The following RCN3 variants were observed in gnomAD, a reference collection of about 807,000 sequenced individuals.
RCN3 encodes reticulocalbin 3.
RCN3 carries 41 observed loss-of-function variants against 35.9 expected under a neutral mutation model. That is an observed-to-expected ratio of 1.14 (90% confidence interval 0.89 to 1.48). The LOEUF (loss-of-function observed/expected upper bound fraction) is 1.48. Ranked by LOEUF, RCN3 falls within the 40% of genes most tolerant of loss-of-function variation. The probability of loss-of-function intolerance (pLI) is 0.00; values close to 1 mark genes in which losing one functional copy is unlikely to be tolerated. For synonymous variants in RCN3, 187 were observed against 193.4 expected (o/e 0.97, Z 0.27); for missense variants, 451 against 471.3 (o/e 0.96, Z 0.40).
chr19:49,529,526 C>T (rs969895806), intron 2 of RCN3, among the ~76,000 whole-genome samples: 2 of 152,214 alleles, frequency 1.3e-5, no homozygotes, highest in South Asian at 4.1e-4. Context: ...AAAGGTTTAT[C>T]GAGCACCTGC....
chr19:49,536,881 C>A, intron 3 of RCN3, 152 bp from the exon 4 acceptor site: 1 of 615,074 alleles, frequency 1.6e-6, no homozygotes, highest in Non-Finnish European at 2.5e-6. Context: ...GCTGCTATTA[C>A]AGGCGTGAGC....
intron 3 of RCN3, 138 bp downstream of exon 3, chr19:49,534,533 T>G: frequency 5.2e-6 from 4 of 765,566 alleles, no homozygotes; most frequent in South Asian, 1.9e-5. Flanking sequence ...TAGGAGCCCA[T>G]AACTGTGAGA....
intron 2 of RCN3, among the ~76,000 whole-genome samples, chr19:49,529,436 C>T (rs1195654133): frequency 3.9e-5 from 6 of 152,262 alleles, no homozygotes; most frequent in East Asian, 1.9e-4. Context: ...CCACCCTCTC[C>T]GTCCAGGCCT....
intron 6 of RCN3, 132 bp from the exon 7 acceptor site, chr19:49,542,974 A>G: frequency 2.3e-6 from 2 of 858,246 alleles, no homozygotes; most frequent in South Asian, 1.6e-5. Flanking sequence ...CAAGACGGGG[A>G]CAGATTCAGA....
At position 49,528,637 on chromosome 19, in the gene RCN3, C is replaced by A. The variant is rs199527609; in HGVS notation, c.165C>A (p.Asp55Glu). 6.8e-5 allele frequency: 109 copies of A among 1,612,132 alleles called. No individual in the cohort carries two copies. Among genetic ancestry groups the A allele is most frequent in the Middle Eastern group, 3.3e-4 (2 of 6,078 alleles). The change falls in exon 2 of 7, where the codon GAC (aspartate) becomes GAA (glutamate). Residue 55 changes from aspartate (D) to glutamate (E), a missense_variant. Physicochemically the swap from Asp to Glu is conservative, Grantham distance 45. Coordinates refer to ENST00000270645, the MANE Select transcript of RCN3 (RefSeq NM_020650.3). The stretch of plus-strand genomic sequence containing the variant: ...ACGCCCACGGGAACTTCCAGTACGA[C>A]CATGAGGCTTTCCTGGGACGGGAAG... The part of the protein sequence containing the change: ...HDDAHGNFQY[D>E]HEAFLGREVA...
At chr19:49,540,451 G>A (rs1026002789) in intron 5 of RCN3, among the ~76,000 whole-genome samples, 5 of 151,994 alleles carry the variant, frequency 3.3e-5, no homozygotes, top group African/African-American at 9.7e-5. Flanking sequence ...GGCCAAGATG[G>A]TGTACTAAAA....
intron 1 of RCN3, 68 bp from the exon 2 acceptor site, chr19:49,528,399 C>A: frequency 7.2e-7 from 1 of 1,386,646 alleles, no homozygotes; most frequent in Non-Finnish European, 9.5e-7. Flanking sequence ...CTCCACCCCG[C>A]CATTCTCCTA....
chr19:49,528,382 G>A, intron 1 of RCN3, 85 bp from the exon 2 acceptor site: 1 of 1,318,974 alleles, frequency 7.6e-7, no homozygotes, highest in Non-Finnish European at 1.0e-6. Flanking sequence ...CCTGTCCTAG[G>A]TAACCCCTCC....
intron 3 of RCN3, among the ~76,000 whole-genome samples, chr19:49,536,288 CTTTTT>C (rs968434638): frequency 1.4e-5 from 1 of 70,804 alleles, no homozygotes; most frequent in Non-Finnish European, 2.6e-5. Context: ...ACCCGGCCTA[CTTTTT>C]TTTTTTTTTT....
intron 2 of RCN3, among the ~76,000 whole-genome samples, chr19:49,533,619 G>C (rs765331723): frequency 2.0e-5 from 3 of 151,922 alleles, no homozygotes; most frequent in Non-Finnish European, 4.4e-5. Flanking sequence ...ATTCAGCCGG[G>C]AGCAGGCAGG....
At chr19:49,539,215 C>G (rs985455115) in intron 5 of RCN3, 36 bp downstream of exon 5, 2 of 1,543,644 alleles carry the variant, frequency 1.3e-6, no homozygotes, top group Admixed American at 3.5e-5. Context: ...GGATGCCTGT[C>G]CTCTCTCAGG....
Position 49,534,345 on chromosome 19 carries a change from G to T in RCN3, c.395G>T (p.Arg132Leu). The T allele has an allele frequency of 6.5e-7, 1 of 1,529,490 alleles. No individual in the cohort carries two copies. 94.7% of individuals were successfully genotyped at this position (1,529,490 alleles called of 1,614,324 possible). The change falls in exon 3 of 7, where the codon CGT becomes CTT. Residue 132 changes from arginine to leucine, a missense_variant. Transcript: ENST00000270645. ...ACGTACGACACGGACCGCGACGGGCGTGTGGGTTGGGAGGAGCTGCGCAAC... is the reference window on the plus strand; with the variant it reads ...ACGTACGACACGGACCGCGACGGGCTTGTGGGTTGGGAGGAGCTGCGCAAC... ...WDTYDTDRDG[R>L]VGWEELRNAT...
intron 2 of RCN3, among the ~76,000 whole-genome samples, chr19:49,532,537 G>A (rs1308984608): frequency 1.3e-5 from 2 of 151,654 alleles, no homozygotes; most frequent in African/African-American, 4.8e-5. Flanking sequence ...CACTGTGCCC[G>A]GCTACTTTTT....
At chr19:49,536,908 C>T (rs2080138300) in intron 3 of RCN3, 125 bp from the exon 4 acceptor site, 1 of 848,288 alleles carries the variant, frequency 1.2e-6, no homozygotes, top group East Asian at 3.0e-5. Flanking sequence ...ATCCAGCCTA[C>T]TGATATATAC....
chr19:49,539,382 A>C lies in RCN3; in HGVS notation c.679+203A>C, dbSNP rs1000930793. On this transcript the variant is annotated intron_variant, in intron 5 of 6. Coordinates refer to ENST00000270645, the MANE Select transcript of RCN3 (RefSeq NM_020650.3). The stretch of plus-strand genomic sequence containing the variant: ...TCTATACCAGACACAAAAAGCATCT[A>C]TTGAGCACCTGCTGTGTGTCACGCC... Among the ~76,000 whole-genome samples the C allele has an allele frequency of 2.6e-5, 4 of 152,140 alleles. No homozygotes were observed. In the East Asian group the frequency reaches 7.7e-4, roughly 29 times the overall value.
At chr19:49,529,199 A>G (rs567981630) in intron 2 of RCN3, among the ~76,000 whole-genome samples, 2 of 152,194 alleles carry the variant, frequency 1.3e-5, no homozygotes, top group East Asian at 3.9e-4. Flanking sequence ...CAACAACAAT[A>G]AAAAAGAGGA....
Position 49,534,181 on chromosome 19 carries a change from C to A in RCN3, c.243-12C>A. 6.8e-7 allele frequency: 1 copy of A among 1,481,246 alleles called. No individual in the cohort carries two copies. Among genetic ancestry groups the A allele is most frequent in the Non-Finnish European group, 8.9e-7 (1 of 1,121,602 alleles). 91.8% of individuals were successfully genotyped at this position (1,481,246 alleles called of 1,614,324 possible). A position where few individuals can be genotyped will look rare whatever the true frequency, so the allele number is the denominator to read the frequency against. ...GGACCAGAGCCTGACGTGTGCCCGC[C>A]CCGGCTTCTAGGCGGATCGTGGACC... On this transcript the variant is annotated splice_polypyrimidine_tract_variant and intron_variant, in intron 2 of 6. Transcript: ENST00000270645.
At chr19:49,532,457 C>A (rs1185135258) in intron 2 of RCN3, among the ~76,000 whole-genome samples, 1 of 148,668 alleles carries the variant, frequency 6.7e-6, no homozygotes, top group Non-Finnish European at 1.5e-5. Context: ...CTCACTGCAA[C>A]CTACGCCTCC....
chr19:49,534,176 C>T lies in RCN3; in HGVS notation c.243-17C>T, dbSNP rs1025437643. ...GGGCGGGACCAGAGCCTGACGTGTGCCCGCCCCGGCTTCTAGGCGGATCGT... is the reference window on the plus strand; with the variant it reads ...GGGCGGGACCAGAGCCTGACGTGTGTCCGCCCCGGCTTCTAGGCGGATCGT... On this transcript the variant is annotated splice_polypyrimidine_tract_variant and intron_variant, in intron 2 of 6. Transcript: ENST00000270645. 5.4e-6 allele frequency: 8 copies of T among 1,477,950 alleles called. No homozygotes were observed. Among genetic ancestry groups the T allele is most frequent in the South Asian group, 1.3e-5 (1 of 76,368 alleles). The allele number at this position is 1,477,950 out of a possible 1,614,324, so 91.6% of individuals were successfully genotyped here.
Sources: gnomAD v4.1 joint callset for allele counts (sites outside exome capture counted in the v4.1 genomes callset) on GRCh38, gnomAD v4.1.1 for gene constraint, MANE v1.5 for transcripts, NCBI Gene and HGNC (gene_info 2026-07-23, HGNC 2026-07-21) for gene names.